Variants in FHIP2A observed in about 807,000 individuals in gnomAD.
FHIP2A encodes FHF complex subunit HOOK interacting protein 2A, also known as family with sequence similarity 160 member B1.
FHIP2A carries 46 observed loss-of-function variants against 93.5 expected under a neutral mutation model. The ratio of observed to expected loss-of-function variants is 0.49; its 90% CI spans 0.39 to 0.63. The LOEUF is 0.63. Among genes scored for constraint, FHIP2A ranks in the 20% least tolerant of loss-of-function variants. The pLI, the probability that FHIP2A is intolerant of heterozygous loss-of-function variation, is 0.00. For synonymous variants in FHIP2A, 332 were observed against 326.5 expected (o/e 1.02, Z -0.18); for missense variants, 769 against 909.7 (o/e 0.85, Z 1.99).
At chr10:114,852,745 T>C (rs1033611360) in intron 13 of FHIP2A, among the ~76,000 whole-genome samples, 8 of 152,052 alleles carry the variant, frequency 5.3e-5, no homozygotes, top group Non-Finnish European at 1.0e-4. Context: ...CTTTATTAAC[T>C]CATAAAGTAT....
chr10:114,884,573 C>G (rs1377718618), intron 16 of FHIP2A, among the ~76,000 whole-genome samples: 1 of 152,194 alleles, frequency 6.6e-6, no homozygotes, highest in Non-Finnish European at 1.5e-5. Context: ...TTGCCCCCAT[C>G]CTTCCCTTCA....
At position 114,857,314 on chromosome 10, in the gene FHIP2A, C is replaced by CTTTTTTTTTTTTT. The variant is rs78583275; in HGVS notation, c.1947+1986_1947+1987insTTTTTTTTTTTTT. On this transcript the variant is annotated intron_variant, in intron 14 of 16. Transcript: ENST00000369248. Reference sequence around the variant, plus strand: ...TTTCTTTCTCTCCCTATTTCTTCTTCTTTTTTTTTTTTCTGAGACCGAGTC... The same window carrying CTTTTTTTTTTTTT: ...TTTCTTTCTCTCCCTATTTCTTCTTCTTTTTTTTTTTTTTTTTTTTTTTTTCTGAGACCGAGTC... 8.3e-5 allele frequency among the ~76,000 whole-genome samples: 10 copies of CTTTTTTTTTTTTT among 120,704 alleles called. 1 individual carries two copies. The highest frequency in any genetic ancestry group is 2.9e-4 in the South Asian group (1 of 3,398). 79.2% of individuals were successfully genotyped at this position (120,704 alleles called of 152,430 possible).
downstream of FHIP2A, chr10:114,864,800 C>T: frequency 1.6e-6 from 1 of 627,454 alleles, no homozygotes; most frequent in Non-Finnish European, 2.0e-6. Flanking sequence ...TTTGCACCCC[C>T]AGCACACAAA....
chr10:114,849,789 C>G (rs1296309606), intron 13 of FHIP2A, among the ~76,000 whole-genome samples: 1 of 152,180 alleles, frequency 6.6e-6, no homozygotes, highest in Non-Finnish European at 1.5e-5. Flanking sequence ...CCGCCAACCC[C>G]CAGCCCTGGC....
exon 17 of FHIP2A, chr10:114,899,617 C>A (rs533651226): frequency 1.1e-4 from 79 of 699,120 alleles, no homozygotes; most frequent in African/African-American, 1.1e-3. Flanking sequence ...ACTGCCCACC[C>A]TTGAACCAAT....
Position 114,875,720 on chromosome 10 carries a change from AAGAAAGAAAGAGAG to A in FHIP2A, c.2192+14398_2192+14411del, listed in dbSNP as rs796157771. Among the ~76,000 whole-genome samples the A allele has an allele frequency of 2.7e-4, 40 of 150,748 alleles. 1 individual carries two copies. The East Asian group carries it at 5.6e-3, about 21-fold the overall frequency. Reference sequence around the variant, plus strand: ...AGAAAAAAAGAAAGAAAGAGAGAGAAAGAAAGAAAGAGAGAGAAAGAAAGAAAGAAAGAGAAAGA... The same window carrying A: ...AGAAAAAAAGAAAGAAAGAGAGAGAAAGAAAGAAAGAAAGAAAGAGAAAGA... On this transcript the variant is annotated intron_variant, in intron 16 of 16. Coordinates refer to the FHIP2A transcript ENST00000369250.
intron 2 of FHIP2A, among the ~76,000 whole-genome samples, chr10:114,832,804 C>T (rs931993686): frequency 1.3e-5 from 2 of 151,460 alleles, no homozygotes; most frequent in African/African-American, 2.4e-5. Flanking sequence ...CTCCACCTCC[C>T]AGGTTCAAGA....
intron 6 of FHIP2A, 125 bp from the exon 7 acceptor site, chr10:114,843,616 T>C: frequency 1.2e-6 from 1 of 840,030 alleles, no homozygotes; most frequent in Non-Finnish European, 1.7e-6. Context: ...TAATATGCAT[T>C]TAAAATAGAC....
chr10:114,867,208 C>CAAA (rs11392511), downstream of FHIP2A, among the ~76,000 whole-genome samples: 2 of 123,796 alleles, frequency 1.6e-5, no homozygotes. Flanking sequence ...GACTCCATCT[C>CAAA]AAAAAAAAAA....
intron 4 of FHIP2A, 137 bp from the exon 5 acceptor site, chr10:114,835,987 T>C (rs965227430): frequency 5.6e-5 from 31 of 552,350 alleles, no homozygotes; most frequent in Non-Finnish European, 8.6e-5. Flanking sequence ...ATTATAAATA[T>C]CATTAGTGTT....
intron 1 of FHIP2A, among the ~76,000 whole-genome samples, chr10:114,829,585 C>T (rs138633738): frequency 2.6e-5 from 4 of 152,320 alleles, no homozygotes; most frequent in Non-Finnish European, 5.9e-5. Flanking sequence ...TGTTTATCAG[C>T]AGGGTCTTTA....
intron 16 of FHIP2A, among the ~76,000 whole-genome samples, chr10:114,884,009 G>A (rs2083929874): frequency 1.3e-5 from 2 of 152,312 alleles, no homozygotes; most frequent in Admixed American, 6.5e-5. Context: ...GTGACATCAT[G>A]TATAGAGTAA....
At chr10:114,875,781 GAA>G (rs775819323) in intron 16 of FHIP2A, among the ~76,000 whole-genome samples, 2 of 146,382 alleles carry the variant, frequency 1.4e-5, no homozygotes, top group Non-Finnish European at 3.0e-5. Context: ...AAGAGAGAGA[GAA>G]AGAAATAGAA....
At chr10:114,897,421 G>T (rs2084006254) in intron 16 of FHIP2A, among the ~76,000 whole-genome samples, 2 of 152,188 alleles carry the variant, frequency 1.3e-5, no homozygotes, top group Admixed American at 1.3e-4. Flanking sequence ...AAATGGCCTT[G>T]CTGAGGAAAT....
chr10:114,873,491 C>T (rs750928651), intron 16 of FHIP2A, among the ~76,000 whole-genome samples: 1 of 152,018 alleles, frequency 6.6e-6, no homozygotes, highest in Non-Finnish European at 1.5e-5. Flanking sequence ...GCAAAGTCAC[C>T]GTAGATAGCT....
intron 5 of FHIP2A, among the ~76,000 whole-genome samples, chr10:114,838,101 G>C (rs2083646707): frequency 6.6e-6 from 1 of 152,220 alleles, no homozygotes; most frequent in South Asian, 2.1e-4. Flanking sequence ...TGTTTCCCAA[G>C]TGGCTTTGTC....
chr10:114,840,069 C>T (rs1409391811), intron 5 of FHIP2A, among the ~76,000 whole-genome samples: 1 of 151,746 alleles, frequency 6.6e-6, no homozygotes, highest in Non-Finnish European at 1.5e-5. Flanking sequence ...TCTAGGTCAT[C>T]AAGAAAGTCT....
chr10:114,853,917 A>G (rs1456926042), intron 13 of FHIP2A, among the ~76,000 whole-genome samples: 2 of 152,166 alleles, frequency 1.3e-5, no homozygotes, highest in Non-Finnish European at 2.9e-5. Context: ...GGTAATTTCT[A>G]AACTAGAGAA....
At chr10:114,894,346 C>T (rs1036855237) in intron 16 of FHIP2A, among the ~76,000 whole-genome samples, 23 of 149,282 alleles carry the variant, frequency 1.5e-4, no homozygotes, top group African/African-American at 5.7e-4. Context: ...ATTGCTTGAG[C>T]CCAGGAGTTC....
Sources: allele counts gnomAD v4.1 joint callset (sites outside exome capture counted in the v4.1 genomes callset), GRCh38; gene constraint gnomAD v4.1.1; transcripts MANE v1.5; gene names NCBI Gene and HGNC (gene_info 2026-07-23, HGNC 2026-07-21).